DENND1A: variants seen among roughly 807,000 people sequenced by gnomAD.
DENND1A encodes the protein DENN domain containing 1A.
DENND1A carries 51 observed loss-of-function variants against 113.7 expected under a neutral mutation model. The observed-to-expected ratio is 0.45, with a 90% confidence interval of 0.36 to 0.57. DENND1A has a LOEUF of 0.57. Among genes scored for constraint, DENND1A ranks in the 20% least tolerant of loss-of-function variants. The pLI is 0.00. For missense variants in DENND1A, 1,258 were observed against 1,395.9 expected (o/e 0.90, Z 1.57); for synonymous variants, 565 against 570.8 (o/e 0.99, Z 0.14).
intron 1 of DENND1A, among the ~76,000 whole-genome samples, chr9:123,913,113 TAAAA>T (rs915063969): frequency 3.5e-5 from 3 of 86,712 alleles, no homozygotes; most frequent in Admixed American, 1.3e-4. Flanking sequence ...AAAGACAGTT[TAAAA>T]AAAAAAAAAA....
chr9:123,623,851 C>CA (rs1351564343), intron 10 of DENND1A, among the ~76,000 whole-genome samples: 1 of 152,200 alleles, frequency 6.6e-6, no homozygotes, highest in Non-Finnish European at 1.5e-5. Flanking sequence ...GTGATACCAA[C>CA]AGCAGGGTCT....
chr9:123,674,085 TC>T (rs2140039690), intron 6 of DENND1A, among the ~76,000 whole-genome samples: 1 of 152,102 alleles, frequency 6.6e-6, no homozygotes, highest in Admixed American at 6.5e-5. Flanking sequence ...AGTTCTGACA[TC>T]CCATGCTGAG....
intron 9 of DENND1A, among the ~76,000 whole-genome samples, chr9:123,635,434 T>A (rs554540824): frequency 4.8e-4 from 73 of 152,348 alleles, no homozygotes; most frequent in Non-Finnish European, 9.7e-4. Flanking sequence ...CAGAATATAA[T>A]GGCCACTGTG....
intron 2 of DENND1A, among the ~76,000 whole-genome samples, chr9:123,835,701 T>A (rs1225145774): frequency 6.6e-6 from 1 of 150,390 alleles, no homozygotes; most frequent in Non-Finnish European, 1.5e-5. Context: ...ACCTTTCTAC[T>A]GCAAAAACTC....
chr9:123,601,449 C>T (rs1349039263), intron 11 of DENND1A, among the ~76,000 whole-genome samples: 1 of 152,216 alleles, frequency 6.6e-6, no homozygotes, highest in African/African-American at 2.4e-5. Context: ...AATCCAGGGC[C>T]TTCCTCGAGG....
At chr9:123,577,956 T>G (rs1333459872) in intron 12 of DENND1A, among the ~76,000 whole-genome samples, 1 of 152,190 alleles carries the variant, frequency 6.6e-6, no homozygotes, top group African/African-American at 2.4e-5. Flanking sequence ...ACCAACAAGA[T>G]CTCTGACTCT....
chr9:123,457,567 A>G (rs554245787), intron 14 of DENND1A, 132 bp from the exon 15 acceptor site: 10 of 816,458 alleles, frequency 1.2e-5, no homozygotes, highest in Non-Finnish European at 2.0e-5. Flanking sequence ...GTTTCTTTCT[A>G]AAATACCGGC....
chr9:123,458,804 A>G (rs1473114983), intron 13 of DENND1A, among the ~76,000 whole-genome samples: 2 of 152,266 alleles, frequency 1.3e-5, no homozygotes, highest in East Asian at 3.9e-4. Context: ...TCTACTGAAA[A>G]TACAAAATTA....
At chr9:123,883,872 A>T (rs1037233802) in intron 1 of DENND1A, among the ~76,000 whole-genome samples, 38 of 140,810 alleles carry the variant, frequency 2.7e-4, no homozygotes, top group Non-Finnish European at 4.6e-4. Flanking sequence ...CAGTCTCAAA[A>T]AAAAAAAAAA....
At chr9:123,610,305 T>C (rs1312814762) in intron 10 of DENND1A, among the ~76,000 whole-genome samples, 1 of 152,248 alleles carries the variant, frequency 6.6e-6, no homozygotes, top group African/African-American at 2.4e-5. Flanking sequence ...TGAGGAACTT[T>C]AAATTCATCT....
At chr9:123,575,977 T>C (rs994405934) in intron 12 of DENND1A, among the ~76,000 whole-genome samples, 5 of 152,238 alleles carry the variant, frequency 3.3e-5, no homozygotes, top group Admixed American at 1.3e-4. Context: ...ACCAACATAG[T>C]TGAATAAATC....
intron 5 of DENND1A, among the ~76,000 whole-genome samples, chr9:123,743,831 G>C (rs1287248088): frequency 6.6e-6 from 1 of 152,052 alleles, no homozygotes; most frequent in Non-Finnish European, 1.5e-5. Context: ...CTGTTTTACA[G>C]TTAAGGAAAC....
At chr9:123,552,913 A>G (rs953347936) in intron 13 of DENND1A, among the ~76,000 whole-genome samples, 16 of 152,246 alleles carry the variant, frequency 1.1e-4, no homozygotes, top group African/African-American at 3.6e-4. Context: ...GATTTATATA[A>G]AGATGTTTAG....
chr9:123,495,772 C>T (rs184782061), intron 13 of DENND1A, among the ~76,000 whole-genome samples: 32 of 152,328 alleles, frequency 2.1e-4, no homozygotes, highest in African/African-American at 7.0e-4. Context: ...GCCCATGACA[C>T]GTATGGAAAG....
chr9:123,912,046 T>C (rs928831179), intron 1 of DENND1A, among the ~76,000 whole-genome samples: 1 of 152,158 alleles, frequency 6.6e-6, no homozygotes, highest in Non-Finnish European at 1.5e-5. Flanking sequence ...AGCCTTATAC[T>C]ATGCTGGAGA....
At chr9:123,582,022 G>A (rs2058923041) in intron 12 of DENND1A, among the ~76,000 whole-genome samples, 1 of 152,238 alleles carries the variant, frequency 6.6e-6, no homozygotes, top group Non-Finnish European at 1.5e-5. Context: ...CATGGCAAAT[G>A]TGGCAGCCAG....
At chr9:123,678,957 C>T (rs548432060) in intron 5 of DENND1A, among the ~76,000 whole-genome samples, 4 of 152,174 alleles carry the variant, frequency 2.6e-5, no homozygotes, top group East Asian at 3.9e-4. Context: ...ATAGTATGAA[C>T]GAGAAATCCC....
chr9:123,566,670 G>C lies in DENND1A; in HGVS notation c.868-8975C>G, dbSNP rs192403374. On this transcript the variant is annotated intron_variant, in intron 12 of 23. Coordinates refer to ENST00000394215, the MANE Select transcript of DENND1A (RefSeq NM_001352964.2). The stretch of plus-strand genomic sequence containing the variant: ...CAATTTTAAAACAAAACCAAAAAAG[G>C]CCTGTTTCCACTATCTGCCAAATAA... Among the ~76,000 whole-genome samples, 16 of 152,044 alleles carry C rather than the reference G, an allele frequency of 1.1e-4. No individual in the cohort carries two copies. In the East Asian group the frequency reaches 3.1e-3, roughly 29 times the overall value.
intron 1 of DENND1A, among the ~76,000 whole-genome samples, chr9:123,909,224 G>T (rs1386850257): frequency 6.6e-6 from 1 of 152,124 alleles, no homozygotes; most frequent in Non-Finnish European, 1.5e-5. Context: ...GGAAGGGATA[G>T]CATTGGCAGA....
Sources: gnomAD v4.1 joint callset for allele counts (sites outside exome capture counted in the v4.1 genomes callset) on GRCh38, gnomAD v4.1.1 for gene constraint, MANE v1.5 for transcripts, NCBI Gene and HGNC (gene_info 2026-07-23, HGNC 2026-07-21) for gene names.